RNF17: variants seen among roughly 807,000 people sequenced by gnomAD.
RNF17 encodes the protein ring finger protein 17, also known as spermatogenesis associated 23.
Under a neutral mutation model 200.5 loss-of-function variants are expected in RNF17, and 31 were observed. That is an observed-to-expected ratio of 0.15 (90% confidence interval 0.12 to 0.21). The LOEUF (loss-of-function observed/expected upper bound fraction) is 0.21. Ranked by LOEUF, RNF17 falls within the 10% of genes least tolerant of loss-of-function variation. The pLI, the probability that RNF17 is intolerant of heterozygous loss-of-function variation, is 1.00. For missense variants in RNF17, 1,628 were observed against 1,905.1 expected, an observed-to-expected ratio of 0.85 and a Z score of 2.71; for synonymous variants, 606 against 637.8, an observed-to-expected ratio of 0.95 and a Z score of 0.75.
chr13:24,775,531 G>A (rs144677342), intron 3 of RNF17, among the ~76,000 whole-genome samples: 50 of 152,252 alleles, frequency 3.3e-4, no homozygotes, highest in African/African-American at 1.1e-3. Context: ...AATTACAGCC[G>A]TGAGCCACTG....
chr13:24,800,050 T>C (rs1018794819), intron 12 of RNF17, among the ~76,000 whole-genome samples: 15 of 152,276 alleles, frequency 9.9e-5, no homozygotes, highest in African/African-American at 3.6e-4. Flanking sequence ...AACCATAGCA[T>C]GATCACTTAA....
At chr13:24,790,006 A>G (rs1883644274) in intron 9 of RNF17, among the ~76,000 whole-genome samples, 1 of 152,132 alleles carries the variant, frequency 6.6e-6, no homozygotes, top group African/African-American at 2.4e-5. Flanking sequence ...CAAGCATTGA[A>G]CACTGCTAGG....
At chr13:24,869,272 G>C (rs1893994393) in intron 31 of RNF17, among the ~76,000 whole-genome samples, 1 of 152,212 alleles carries the variant, frequency 6.6e-6, no homozygotes, top group Admixed American at 6.5e-5. Flanking sequence ...AGCTTCAGCA[G>C]CTCCTTCAGC....
At chr13:24,841,930 C>T in intron 18 of RNF17, 111 bp from the exon 19 acceptor site, 6 of 813,276 alleles carry the variant, frequency 7.4e-6, no homozygotes, top group South Asian at 1.8e-5. Flanking sequence ...CGTGCCACTG[C>T]ACTCCAGCCT....
At position 24,827,438 on chromosome 13, in the gene RNF17, A is replaced by G. The variant is rs921614693; in HGVS notation, c.2245+1666A>G. 3.3e-5 allele frequency among the ~76,000 whole-genome samples: 5 copies of G among 152,094 alleles called. No individual in the cohort carries two copies. The South Asian group carries it at 6.2e-4, about 19-fold the overall frequency. ...GACTTGAACTAACTACAGATTTTCA[A>G]ATGTGGTTCTTATGAATGTCTTAGT... On this transcript the variant is annotated intron_variant, in intron 16 of 35. Coordinates refer to ENST00000255324, the MANE Select transcript of RNF17 (RefSeq NM_031277.3).
rs559608689 is a variant in RNF17, at chr13:24,873,590, A to G, written c.4448-524A>G. 1.1e-4 allele frequency among the ~76,000 whole-genome samples: 16 copies of G among 152,338 alleles called. 1 individual carries two copies. In the South Asian group the frequency reaches 1.7e-3, roughly 16 times the overall value. On this transcript the variant is annotated intron_variant, in intron 32 of 35. Coordinates refer to ENST00000255324, the MANE Select transcript of RNF17 (RefSeq NM_031277.3). Reference sequence around the variant, plus strand: ...TCAAGACTTCTAGTTAATCTGAAATATACAATCCATTGTTGTTAACTAGGC... The same window carrying G: ...TCAAGACTTCTAGTTAATCTGAAATGTACAATCCATTGTTGTTAACTAGGC...
At chr13:24,797,526 C>T (rs1884708583) in intron 11 of RNF17, among the ~76,000 whole-genome samples, 1 of 152,034 alleles carries the variant, frequency 6.6e-6, no homozygotes, top group Non-Finnish European at 1.5e-5. Flanking sequence ...AGAAAAAAAT[C>T]AATTCCTGGT....
At chr13:24,883,183 C>T, downstream of RNF17, 1 of 1,613,816 alleles carries the variant, frequency 6.2e-7, no homozygotes, top group Non-Finnish European at 8.5e-7. Context: ...ATCGTCACAG[C>T]TCCGTGTCCA....
chr13:24,838,565 A>T lies in RNF17; in HGVS notation c.2483-3476A>T, dbSNP rs186397135. Among the ~76,000 whole-genome samples the T allele has an allele frequency of 1.2e-4, 19 of 152,244 alleles. No homozygotes were observed. The East Asian group carries it at 3.5e-3, about 28-fold the overall frequency. ...AAATGTGATACACCACATAAACAGA[A>T]TAAAAAATCACATGATCTCAATAGA... On this transcript the variant is annotated intron_variant, in intron 18 of 35. Transcript: ENST00000255324.
the RNF17 span, chr13:24,885,680 T>G: frequency 1.7e-5 from 28 of 1,604,660 alleles, no homozygotes; most frequent in Admixed American, 3.8e-4. Context: ...CCTATTAGAA[T>G]AAAATTGTCA....
intron 18 of RNF17, among the ~76,000 whole-genome samples, chr13:24,837,954 A>G (rs1849626004): frequency 6.6e-6 from 1 of 152,200 alleles, no homozygotes; most frequent in Non-Finnish European, 1.5e-5. Context: ...AGCACGATTA[A>G]CCAAGAAAAT....
chr13:24,828,992 G>A (rs1889078522), intron 16 of RNF17, among the ~76,000 whole-genome samples: 1 of 150,834 alleles, frequency 6.6e-6, no homozygotes, highest in South Asian at 2.1e-4. Flanking sequence ...TATTTTTTTT[G>A]TAGAGGTGGG....
At chr13:24,865,564 T>C (rs1204170822) in intron 29 of RNF17, among the ~76,000 whole-genome samples, 3 of 150,636 alleles carry the variant, frequency 2.0e-5, no homozygotes. Context: ...TTATGCATCA[T>C]TATATTTTAT....
chr13:24,846,932 T>C (rs2138175566), intron 22 of RNF17, among the ~76,000 whole-genome samples: 1 of 152,256 alleles, frequency 6.6e-6, no homozygotes, highest in South Asian at 2.1e-4. Context: ...GGATTATAAA[T>C]AGGAATATTA....
intron 18 of RNF17, among the ~76,000 whole-genome samples, chr13:24,832,918 A>AT (rs200346165): frequency 0.011 from 1,707 of 151,896 alleles, 16 homozygotes; most frequent in South Asian, 0.022. Context: ...TAATTTTTAA[A>AT]TTTTTTTTGT....
chr13:24,879,423 T>G (rs1593516996), intron 35 of RNF17, 128 bp downstream of exon 35: 1 of 639,516 alleles, frequency 1.6e-6, no homozygotes, highest in East Asian at 2.8e-5. Flanking sequence ...CCACCAGATT[T>G]CTTCATAGGC....
intron 22 of RNF17, among the ~76,000 whole-genome samples, chr13:24,845,568 C>A (rs1396174477): frequency 6.6e-6 from 1 of 152,102 alleles, no homozygotes; most frequent in Non-Finnish European, 1.5e-5. Context: ...GTGGGGTACA[C>A]CATGAACCAG....
Position 24,861,265 on chromosome 13 carries a change from C to A in RNF17, c.3775-3C>A. The A allele has an allele frequency of 6.3e-7, 1 of 1,583,346 alleles. No individual in the cohort carries two copies. Among genetic ancestry groups the A allele is most frequent in the Non-Finnish European group, 8.6e-7 (1 of 1,161,014 alleles). On this transcript the variant is annotated splice_polypyrimidine_tract_variant and splice_region_variant and intron_variant, in intron 26 of 35. Coordinates refer to ENST00000255324, the MANE Select transcript of RNF17 (RefSeq NM_031277.3). The stretch of plus-strand genomic sequence containing the variant: ...ACTATAAATTGTATTTGTCGTGTTT[C>A]AGGTACAATATTTAGATCATGGATT...
chr13:24,776,149 T>TA (rs571499453), intron 3 of RNF17, among the ~76,000 whole-genome samples: 3 of 152,344 alleles, frequency 2.0e-5, no homozygotes, highest in Admixed American at 2.0e-4. Flanking sequence ...TTCCTTCTAT[T>TA]ACATTCATTT....
Sources: allele counts gnomAD v4.1 joint callset (sites outside exome capture counted in the v4.1 genomes callset), GRCh38; gene constraint gnomAD v4.1.1; transcripts MANE v1.5; gene names NCBI Gene and HGNC (gene_info 2026-07-23, HGNC 2026-07-21).